Variants in ZBTB7C observed in about 807,000 individuals in gnomAD.
The protein encoded by ZBTB7C is zinc finger and BTB domain-containing protein 7C.
A neutral mutation model predicts 25.7 loss-of-function variants in ZBTB7C; 8 were observed. That is an observed-to-expected ratio of 0.31 (90% CI 0.18 to 0.56). The LOEUF (loss-of-function observed/expected upper bound fraction) is 0.56, where lower values mean the gene tolerates loss of function less well. Ranked by LOEUF, ZBTB7C falls within the 20% of genes least tolerant of loss-of-function variation. ZBTB7C has a pLI of 0.91. For synonymous variants in ZBTB7C, 394 were observed against 369.0 expected (o/e 1.07, Z -0.78); for missense variants, 824 against 855.2 (o/e 0.96, Z 0.46).
chr18:48,142,738 G>A (rs909215869), intron 3 of ZBTB7C, among the ~76,000 whole-genome samples: 10 of 149,134 alleles, frequency 6.7e-5, no homozygotes, highest in African/African-American at 2.1e-4. Flanking sequence ...GTGGGATAGT[G>A]GCAGGAAAGG....
At chr18:48,269,529 G>A (rs2044411959) in intron 2 of ZBTB7C, among the ~76,000 whole-genome samples, 1 of 152,182 alleles carries the variant, frequency 6.6e-6, no homozygotes, top group East Asian at 1.9e-4. Context: ...ATGAAGTGGT[G>A]GAGAAGAAAA....
intron 3 of ZBTB7C, among the ~76,000 whole-genome samples, chr18:48,159,274 C>G (rs1048916323): frequency 6.6e-6 from 1 of 152,142 alleles, no homozygotes; most frequent in African/African-American, 2.4e-5. Flanking sequence ...TAGTGTGAAT[C>G]CCGGTGGTCT....
intron 2 of ZBTB7C, among the ~76,000 whole-genome samples, chr18:48,216,536 G>A (rs2042827950): frequency 6.6e-6 from 1 of 152,142 alleles, no homozygotes; most frequent in Non-Finnish European, 1.5e-5. Flanking sequence ...GGGGGCGAAG[G>A]TGGCATACAC....
upstream of ZBTB7C, among the ~76,000 whole-genome samples, chr18:48,409,722 G>A (rs1011172456): frequency 6.6e-6 from 1 of 152,058 alleles, no homozygotes; most frequent in Non-Finnish European, 1.5e-5. Flanking sequence ...CGGGAGTCAG[G>A]ACCCGACGCG....
At chr18:48,257,270 AG>A (rs1210948421) in intron 2 of ZBTB7C, among the ~76,000 whole-genome samples, 1 of 152,130 alleles carries the variant, frequency 6.6e-6, no homozygotes, top group African/African-American at 2.4e-5. Context: ...TAATGATAAA[AG>A]GATCAATTCA....
intron 2 of ZBTB7C, among the ~76,000 whole-genome samples, chr18:48,196,848 C>A (rs1005837759): frequency 1.3e-5 from 2 of 152,224 alleles, no homozygotes; most frequent in African/African-American, 4.8e-5. Context: ...GGAAAATGCC[C>A]TTCAGAAGAA....
chr18:48,040,395 T>A lies in ZBTB7C; in HGVS notation c.713A>T (p.Lys238Met), dbSNP rs2036173442. The change falls in exon 4 of 5, where the codon AAG becomes ATG. Residue 238 changes from lysine to methionine, a missense_variant. This residue lies in a region of ZBTB7C where 316 missense variants were observed against 299.2 expected (regional missense o/e 1.06). Transcript: ENST00000590800. ...GGGTCTCCTGTCGGGGATGTTGGCC[T>A]TGGGGTACAGGTTCTCCCTTAGCAG... ...ESLLRENLYP[K>M]ANIPDRRPSL... The A allele has an allele frequency of 6.2e-7, 1 of 1,611,994 alleles. No individual in the cohort carries two copies. The highest frequency in any genetic ancestry group is 1.3e-5 in the African/African-American group (1 of 74,858).
intron 3 of ZBTB7C, among the ~76,000 whole-genome samples, chr18:48,082,018 A>G (rs1035118333): frequency 2.0e-5 from 3 of 152,208 alleles, no homozygotes; most frequent in African/African-American, 4.8e-5. Context: ...TTTTAAAGTC[A>G]GTATGTGGCT....
At chr18:48,380,520 A>G (rs980855693) in intron 1 of ZBTB7C, among the ~76,000 whole-genome samples, 1 of 152,174 alleles carries the variant, frequency 6.6e-6, no homozygotes, top group Non-Finnish European at 1.5e-5. Context: ...ACAGACATAC[A>G]TATGTACAGT....
intron 3 of ZBTB7C, among the ~76,000 whole-genome samples, chr18:48,109,917 C>T (rs1021496709): frequency 6.6e-6 from 1 of 152,202 alleles, no homozygotes; most frequent in African/African-American, 2.4e-5. Flanking sequence ...GTGCAGAAAG[C>T]CTGGTTTCTT....
chr18:48,369,736 C>T (rs766155914), intron 1 of ZBTB7C, among the ~76,000 whole-genome samples: 3 of 152,064 alleles, frequency 2.0e-5, no homozygotes, highest in Non-Finnish European at 4.4e-5. Context: ...AATAGAGTTG[C>T]AAAATATGTG....
At position 48,040,880 on chromosome 18, in the gene ZBTB7C, C is replaced by T. The variant is rs2036211571; in HGVS notation, c.228G>A (p.Glu76=). The change falls in exon 4 of 5, where the codon GAG becomes GAA. Residue 76 remains glutamate, a synonymous_variant. Transcript: ENST00000590800. ...GAGCCTCAGGCTGGACAAAGTCGAT[C>T]TCATAGACGTAGGGCTGGCTGGCTA... The part of the protein sequence containing the change: ...GTLASQPYVY[E]IDFVQPEALA... 6.2e-7 allele frequency: 1 copy of T among 1,614,154 alleles called. No individual in the cohort carries two copies. The highest frequency in any genetic ancestry group is 1.3e-5 in the African/African-American group (1 of 75,032).
At position 48,095,993 on chromosome 18, in the gene ZBTB7C, C is replaced by T. The variant is rs543006041; in HGVS notation, c.-16-54870G>A. Among the ~76,000 whole-genome samples the T allele has an allele frequency of 9.2e-5, 14 of 152,294 alleles. 1 individual carries two copies. The highest frequency in any genetic ancestry group is 3.4e-4 in the African/African-American group (14 of 41,564). ...GCAGGCAGTGACGGCTGTCACCAACCTCTCCTCAAAGCTGCCCTTTCTCCT... is the reference window on the plus strand; with the variant it reads ...GCAGGCAGTGACGGCTGTCACCAACTTCTCCTCAAAGCTGCCCTTTCTCCT... On this transcript the variant is annotated intron_variant, in intron 3 of 4. Coordinates refer to ENST00000590800, the MANE Select transcript of ZBTB7C (RefSeq NM_001318841.2).
At chr18:48,159,243 G>C (rs1444479374) in intron 3 of ZBTB7C, among the ~76,000 whole-genome samples, 1 of 152,046 alleles carries the variant, frequency 6.6e-6, no homozygotes, top group African/African-American at 2.4e-5. Flanking sequence ...TAAGCACACC[G>C]ATCCTAGAGT....
intron 3 of ZBTB7C, among the ~76,000 whole-genome samples, chr18:48,052,745 A>G (rs757244183): frequency 8.5e-5 from 13 of 152,228 alleles, no homozygotes; most frequent in Admixed American, 5.2e-4. Context: ...GCTTCATGTG[A>G]CCTTGAAGCG....
intron 3 of ZBTB7C, among the ~76,000 whole-genome samples, chr18:48,124,497 A>G (rs1325972276): frequency 1.3e-5 from 2 of 152,182 alleles, no homozygotes; most frequent in Admixed American, 1.3e-4. Flanking sequence ...CATTATTACT[A>G]CAGAGGAGCC....
At position 48,317,964 on chromosome 18, in the gene ZBTB7C, G is replaced by GGACCCCTGCCTCCTTCCTC. The variant is rs143537258; in HGVS notation, c.-79+20191_-79+20209dup. On this transcript the variant is annotated intron_variant, in intron 2 of 4. Coordinates refer to ENST00000590800, the MANE Select transcript of ZBTB7C (RefSeq NM_001318841.2). ...CAGCAGACCTTTCCCCTCTGCTGGA[G>GGACCCCTGCCTCCTTCCTC]GACCCCTGCCTCCTTCCTCACCCCC... Among the ~76,000 whole-genome samples, 956 of 152,048 alleles carry GGACCCCTGCCTCCTTCCTC rather than the reference G, an allele frequency of 6.3e-3. 7 individuals are homozygous for GGACCCCTGCCTCCTTCCTC. Among genetic ancestry groups the GGACCCCTGCCTCCTTCCTC allele is most frequent in the African/African-American group, 0.02 (831 of 41,482 alleles).
intron 1 of ZBTB7C, among the ~76,000 whole-genome samples, chr18:48,383,421 A>T (rs2047676257): frequency 6.6e-6 from 1 of 151,164 alleles, no homozygotes; most frequent in African/African-American, 2.4e-5. Context: ...ACACACCACC[A>T]CCCCTGGCTA....
At chr18:48,208,339 A>G (rs1246513447) in intron 2 of ZBTB7C, among the ~76,000 whole-genome samples, 1 of 152,050 alleles carries the variant, frequency 6.6e-6, no homozygotes, top group Non-Finnish European at 1.5e-5. Flanking sequence ...ACTGTCCACC[A>G]ATGCCGTTCC....
Sources: allele counts gnomAD v4.1 joint callset (sites outside exome capture counted in the v4.1 genomes callset), GRCh38; gene constraint gnomAD v4.1.1; regional missense constraint gnomAD v4.1.1; transcripts MANE v1.5; gene names NCBI Gene and HGNC (gene_info 2026-07-23, HGNC 2026-07-21).